Variants in ANLN observed in about 807,000 individuals in gnomAD.
The protein encoded by ANLN is anillin.
Under a neutral mutation model 135.1 loss-of-function variants are expected in ANLN, and 59 were observed. That is an observed-to-expected ratio of 0.44 (90% CI 0.35 to 0.54). The LOEUF (loss-of-function observed/expected upper bound fraction) is 0.54, where lower values mean the gene tolerates loss of function less well. Among genes scored for constraint, ANLN ranks in the 20% least tolerant of loss-of-function variants. The pLI is 0.00. For synonymous variants in ANLN, 406 were observed against 456.4 expected (o/e 0.89, Z 1.41); for missense variants, 1,182 against 1,340.0 (o/e 0.88, Z 1.84).
intron 3 of ANLN, among the ~76,000 whole-genome samples, chr7:36,404,804 G>T (rs1203805437): frequency 6.6e-6 from 1 of 152,210 alleles, no homozygotes; most frequent in African/African-American, 2.4e-5. Flanking sequence ...GCTATAAAGT[G>T]ATTATGGGGC....
rs1214991132 is a variant in ANLN at position 36,453,444 on chromosome 7, G to T, written c.*844G>T. On this transcript the variant is annotated 3_prime_UTR_variant, in exon 24 of 24. Coordinates refer to ENST00000265748, the MANE Select transcript of ANLN (RefSeq NM_018685.5). The stretch of plus-strand genomic sequence containing the variant: ...TACTAATAATACTTTGCTTGCCAAA[G>T]TGTTTGGGTTTTGTTGTTGTTTGTT... 6.6e-6 allele frequency: 1 copy of T among 152,186 alleles called. No individual in the cohort carries two copies. Among genetic ancestry groups the T allele is most frequent in the Admixed American group, 6.5e-5 (1 of 15,280 alleles). 9.4% of individuals were successfully genotyped at this position (152,186 alleles called of 1,614,324 possible). A position where few individuals can be genotyped will look rare whatever the true frequency, so the allele number is the denominator to read the frequency against.
chr7:36,402,364 C>A (rs951579706), intron 3 of ANLN, among the ~76,000 whole-genome samples: 1 of 151,658 alleles, frequency 6.6e-6, no homozygotes, highest in Non-Finnish European at 1.5e-5. Flanking sequence ...CCACCCGCCT[C>A]GGCCTCCCAA....
intron 1 of ANLN, among the ~76,000 whole-genome samples, chr7:36,394,438 T>C (rs1412728142): frequency 6.6e-6 from 1 of 152,148 alleles, no homozygotes; most frequent in African/African-American, 2.4e-5. Context: ...TATTGTATCA[T>C]GGGGGGAAAT....
intron 20 of ANLN, among the ~76,000 whole-genome samples, chr7:36,427,322 T>C (rs1165722416): frequency 6.6e-6 from 1 of 152,098 alleles, no homozygotes; most frequent in Non-Finnish European, 1.5e-5. Context: ...AAGTTTATAA[T>C]TTTAAAACAT....
intron 22 of ANLN, among the ~76,000 whole-genome samples, 190 bp downstream of exon 22, chr7:36,444,052 G>A (rs1331391953): frequency 1.3e-5 from 2 of 152,218 alleles, no homozygotes; most frequent in Non-Finnish European, 2.9e-5. Flanking sequence ...CACTTTGGGA[G>A]GCCAAGGCGG....
chr7:36,443,969 T>G, intron 22 of ANLN, 107 bp downstream of exon 22: 2 of 738,098 alleles, frequency 2.7e-6, no homozygotes, highest in Non-Finnish European at 4.4e-6. Flanking sequence ...TTAATAACCC[T>G]TTTTGTGTAC....
intron 1 of ANLN, chr7:36,390,328 G>A (rs1289223911): frequency 5.9e-6 from 3 of 508,048 alleles, no homozygotes; most frequent in African/African-American, 1.9e-5. Flanking sequence ...TTTTTACCAT[G>A]TCCCTCTGCA....
At chr7:36,438,040 C>T (rs560227359) in intron 20 of ANLN, among the ~76,000 whole-genome samples, 1 of 152,342 alleles carries the variant, frequency 6.6e-6, no homozygotes, top group East Asian at 1.9e-4. Context: ...TCACCCGCCT[C>T]AGCCTCCCAA....
chr7:36,443,585 T>A (rs988779269), intron 21 of ANLN, among the ~76,000 whole-genome samples, 170 bp from the exon 22 acceptor site: 2 of 152,200 alleles, frequency 1.3e-5, no homozygotes, highest in African/African-American at 4.8e-5. Context: ...CTGATATGAA[T>A]AATCAGTGAT....
At chr7:36,431,097 C>T (rs1299073216) in intron 20 of ANLN, among the ~76,000 whole-genome samples, 1 of 152,064 alleles carries the variant, frequency 6.6e-6, no homozygotes, top group Non-Finnish European at 1.5e-5. Flanking sequence ...GTAGCATGCT[C>T]TGTGCTAAAC....
At chr7:36,398,904 C>T (rs766757993) in intron 2 of ANLN, among the ~76,000 whole-genome samples, 175 bp from the exon 3 acceptor site, 23 of 151,958 alleles carry the variant, frequency 1.5e-4, no homozygotes, top group Non-Finnish European at 2.9e-4. Context: ...TCTTTCATAT[C>T]AGATTTCTAA....
chr7:36,406,303 A>G lies in ANLN; in HGVS notation c.610A>G (p.Asn204Asp). The G allele has an allele frequency of 6.2e-7, 1 of 1,614,236 alleles. No homozygotes were observed. Among genetic ancestry groups the G allele is most frequent in the Non-Finnish European group, 8.5e-7 (1 of 1,180,024 alleles). The part of the protein sequence containing the change: ...TPVGRRGRLA[N>D]LAATICSWED... ...AGTTGGCAGAAGGGGCCGTCTGGCCAATCTTGCTGCAACTATTTGCTCCTG... is the reference window on the plus strand; with the variant it reads ...AGTTGGCAGAAGGGGCCGTCTGGCCGATCTTGCTGCAACTATTTGCTCCTG... Residue 204 changes from asparagine (N) to aspartate (D), a missense_variant, in exon 4 of 24, where the codon AAT (asparagine) becomes GAT (aspartate). Around this residue, in one of 3 missense-constraint regions of ANLN, gnomAD observed 1,022 missense variants for 1,134.0 expected, o/e 0.90. Transcript: ENST00000265748.
chr7:36,427,108 CT>C, intron 20 of ANLN, 80 bp downstream of exon 20: 1 of 834,712 alleles, frequency 1.2e-6, no homozygotes, highest in Non-Finnish European at 1.9e-6. Context: ...TGCCACAATG[CT>C]TTTAGGTATT....
chr7:36,427,037 A>C lies in ANLN; in HGVS notation c.2883+9A>C, dbSNP rs1321042815. 1 of 1,551,806 alleles carries C rather than the reference A, an allele frequency of 6.4e-7. No homozygotes were observed. The highest frequency in any genetic ancestry group is 1.2e-5 in the South Asian group (1 of 84,804). On this transcript the variant is annotated intron_variant, in intron 20 of 23. Transcript: ENST00000265748. Reference sequence around the variant, plus strand: ...AGTTTGTTCTGGACAAGGTAATCCAACTTTATTTCTAAGGGTGTGGTGTTT... The same window carrying C: ...AGTTTGTTCTGGACAAGGTAATCCACCTTTATTTCTAAGGGTGTGGTGTTT...
In ANLN at chr7:36,424,448, C is replaced by T. The variant is rs1383808453; in HGVS notation, c.2604-97C>T. On this transcript the variant is annotated intron_variant, in intron 15 of 23. Coordinates refer to ENST00000265748, the MANE Select transcript of ANLN (RefSeq NM_018685.5). ...TTGACTTTAAAGTCATAGTGGATTC[C>T]TTTACTTAGAGTCTTGTAAGAGTAT... 4.0e-6 allele frequency: 4 copies of T among 1,001,298 alleles called. No individual in the cohort carries two copies. In the East Asian group the frequency reaches 1.0e-4, roughly 25 times the overall value. 62.0% of individuals were successfully genotyped at this position (1,001,298 alleles called of 1,614,324 possible).
At chr7:36,414,362 A>G (rs2116623046) in intron 7 of ANLN, among the ~76,000 whole-genome samples, 1 of 152,292 alleles carries the variant, frequency 6.6e-6, no homozygotes, top group East Asian at 1.9e-4. Flanking sequence ...GTGATAATTG[A>G]TGGGATGAGG....
At chr7:36,432,851 A>T (rs1416795406) in intron 20 of ANLN, among the ~76,000 whole-genome samples, 1 of 152,174 alleles carries the variant, frequency 6.6e-6, no homozygotes, top group African/African-American at 2.4e-5. Context: ...TCTATTTTGA[A>T]ATACTGTTAC....
chr7:36,399,868 G>A (rs571814479), intron 3 of ANLN, among the ~76,000 whole-genome samples: 13 of 152,150 alleles, frequency 8.5e-5, no homozygotes, highest in African/African-American at 2.9e-4. Flanking sequence ...GAATGAAGTG[G>A]CTTGATCCTT....
Position 36,396,782 on chromosome 7 carries a change from GT to G in ANLN, c.172+366del, listed in dbSNP as rs1158302043. On this transcript the variant is annotated intron_variant, in intron 2 of 23. Transcript: ENST00000265748. The stretch of plus-strand genomic sequence containing the variant: ...GGGTGGCAGAACAGCTGGCCACTGA[GT>G]TTGGGTGGTGTCTCCGGTACCAGCA... 3.6e-4 allele frequency among the ~76,000 whole-genome samples: 55 copies of G among 152,278 alleles called. 1 individual carries two copies.
Sources: allele counts gnomAD v4.1 joint callset (sites outside exome capture counted in the v4.1 genomes callset), GRCh38; gene constraint gnomAD v4.1.1; regional missense constraint gnomAD v4.1.1; transcripts MANE v1.5; gene names NCBI Gene and HGNC (gene_info 2026-07-23, HGNC 2026-07-21).